Variants in DISP3 observed in about 807,000 individuals in gnomAD.
DISP3 encodes protein dispatched homolog 3.
A neutral mutation model predicts 135.3 loss-of-function variants in DISP3; 101 were observed. That is an observed-to-expected ratio of 0.75 (90% CI 0.64 to 0.88). The LOEUF (loss-of-function observed/expected upper bound fraction) is 0.88. Ranked by LOEUF, DISP3 falls within the 40% of genes least tolerant of loss-of-function variation. The probability of loss-of-function intolerance (pLI) is 0.00; values close to 1 mark genes in which losing one functional copy is unlikely to be tolerated. For synonymous variants in DISP3, 856 were observed against 817.0 expected, an observed-to-expected ratio of 1.05 and a Z score of -0.81; for missense variants, 1,713 against 1,878.6, an observed-to-expected ratio of 0.91 and a Z score of 1.63.
rs746962830 is a variant in DISP3 at position 11,519,914 on chromosome 1, A to G, written c.2200+34A>G. ...GCCCTCCGGCCCTGCCCCCTGTCTC[A>G]CAGCTCCACCCCCAAAACACACAGG... On this transcript the variant is annotated intron_variant, in intron 9 of 20. Coordinates refer to ENST00000294484, the MANE Select transcript of DISP3 (RefSeq NM_020780.2). The surrounding 1 kb of genome is among the most constrained non-coding windows in gnomAD (Gnocchi z 4.3). 1.3e-6 allele frequency: 2 copies of G among 1,577,042 alleles called. No homozygotes were observed.
At position 11,533,938 on chromosome 1, in the gene DISP3, C is replaced by T. The variant is rs1557624038; in HGVS notation, c.3376-443C>T. 3 of 702,234 alleles carry T rather than the reference C, an allele frequency of 4.3e-6. No homozygotes were observed. The East Asian group carries it at 8.1e-5, about 19-fold the overall frequency. 43.5% of individuals were successfully genotyped at this position (702,234 alleles called of 1,614,324 possible). The stretch of plus-strand genomic sequence containing the variant: ...CAATTCACAGTCCCACCTGCCAGGG[C>T]CAGGCAGGTTGCCAGGCAGTGACAA... On this transcript the variant is annotated intron_variant, in intron 17 of 20. Transcript: ENST00000294484.
At chr1:11,503,967 C>T (rs1194559608) in intron 3 of DISP3, among the ~76,000 whole-genome samples, 1 of 152,136 alleles carries the variant, frequency 6.6e-6, no homozygotes, top group Admixed American at 6.5e-5. Flanking sequence ...CTGGGTCCCT[C>T]CCCACCAGAA....
chr1:11,482,574 A>G lies in DISP3; in HGVS notation c.-4+3202A>G, dbSNP rs954578801. On this transcript the variant is annotated intron_variant, in intron 1 of 20. Coordinates refer to ENST00000294484, the MANE Select transcript of DISP3 (RefSeq NM_020780.2). The stretch of plus-strand genomic sequence containing the variant: ...CACCCCAAAATGGTGGGGTGGTAGT[A>G]GTGATGGTTGACAATAACAATACTA... Among the ~76,000 whole-genome samples the G allele has an allele frequency of 2.0e-5, 3 of 152,202 alleles. No individual in the cohort carries two copies. The South Asian group carries it at 6.2e-4, about 32-fold the overall frequency.
chr1:11,518,008 A>C (rs527886307), intron 7 of DISP3, among the ~76,000 whole-genome samples: 4 of 152,180 alleles, frequency 2.6e-5, no homozygotes, highest in Non-Finnish European at 5.9e-5. Flanking sequence ...CCACCATGTT[A>C]AGTGTCCTCA....
At position 11,529,464 on chromosome 1, in the gene DISP3, C is replaced by G; in HGVS notation, c.2799-92C>G. The G allele has an allele frequency of 7.0e-7, 1 of 1,431,664 alleles. No individual in the cohort carries two copies. Among genetic ancestry groups the G allele is most frequent in the Non-Finnish European group, 9.4e-7 (1 of 1,059,380 alleles). The allele number at this position is 1,431,664 out of a possible 1,614,324, so 88.7% of individuals were successfully genotyped here. A position where few individuals can be genotyped will look rare whatever the true frequency, so the allele number is the denominator to read the frequency against. ...CCCGAGTCCAGACCCCATGACACCC[C>G]AGCCCCAGTCCCAACCCTGGCCTGC... On this transcript the variant is annotated intron_variant, in intron 13 of 20. Coordinates refer to ENST00000294484, the MANE Select transcript of DISP3 (RefSeq NM_020780.2). The surrounding 1 kb of genome is among the most constrained non-coding windows in gnomAD (Gnocchi z 4.7).
At position 11,529,614 on chromosome 1, in the gene DISP3, C is replaced by T. The variant is rs372621187; in HGVS notation, c.2857C>T (p.Pro953Ser). ...PPFHGRVCMAPPGCLLSSSPD... is the reference protein window; with the variant it reads ...PPFHGRVCMASPGCLLSSSPD... ...CTTCCACGGGCGCGTATGCATGGCA[C>T]CCCCTGGCTGCCTGCTTAGCTCCAG... The change falls in exon 14 of 21, where the codon CCC (proline) becomes TCC (serine). Residue 953 changes from proline to serine, a missense_variant. Transcript: ENST00000294484. This position sits in a 1 kb window ranked among gnomAD's most constrained non-coding sequence, Gnocchi z 4.7. 2 of 1,608,632 alleles carry T rather than the reference C, an allele frequency of 1.2e-6. No homozygotes were observed. Among genetic ancestry groups the T allele is most frequent in the South Asian group, 2.2e-5 (2 of 90,928 alleles).
At position 11,529,782 on chromosome 1, in the gene DISP3, C is replaced by T. The variant is rs760638334; in HGVS notation, c.2930-5C>T. ...TCCCTTACAGCTGTGACTCCCTGTT[C>T]GCAGTGCCCAAGGCCCGTCTCTCAG... On this transcript the variant is annotated splice_polypyrimidine_tract_variant and splice_region_variant and intron_variant, in intron 14 of 20. Transcript: ENST00000294484. This position sits in a 1 kb window ranked among gnomAD's most constrained non-coding sequence, Gnocchi z 4.7. 3.7e-5 allele frequency: 60 copies of T among 1,610,840 alleles called. No homozygotes were observed. Among genetic ancestry groups the T allele is most frequent in the Admixed American group, 2.2e-4 (13 of 59,828 alleles).
intron 17 of DISP3, chr1:11,533,680 C>T (rs1337692833): frequency 4.5e-6 from 3 of 671,574 alleles, no homozygotes; most frequent in Non-Finnish European, 8.2e-6. Context: ...CACTCAGGCT[C>T]ACCACACGGC....
intron 1 of DISP3, among the ~76,000 whole-genome samples, chr1:11,482,450 G>A (rs1640927510): frequency 6.6e-6 from 1 of 152,080 alleles, no homozygotes; most frequent in African/African-American, 2.4e-5. Flanking sequence ...GCTGGGGATG[G>A]CAAAAATAGC....
rs757171370 is a variant in DISP3 at position 11,536,466 on chromosome 1, A to C, written c.3959A>C (p.Lys1320Thr). 6 of 1,613,624 alleles carry C rather than the reference A, an allele frequency of 3.7e-6. No homozygotes were observed. The highest frequency in any genetic ancestry group is 5.1e-6 in the Non-Finnish European group (6 of 1,179,942). The part of the protein sequence containing the change: ...CIIAPFAKFG[K>T]IVALNTGVSI... Reference sequence around the variant, plus strand: ...ATCGCCCCATTTGCCAAGTTCGGCAAGATTGTGGCACTCAACACGGGCGTG... The same window carrying C: ...ATCGCCCCATTTGCCAAGTTCGGCACGATTGTGGCACTCAACACGGGCGTG... The change falls in exon 21 of 21, where the codon AAG becomes ACG. Residue 1320 changes from lysine (K) to threonine (T), a missense_variant. Around this residue, in one of 2 missense-constraint regions of DISP3, gnomAD observed 1,142 missense variants for 1,384.6 expected, o/e 0.82. Transcript: ENST00000294484. This position sits in a 1 kb window ranked among gnomAD's most constrained non-coding sequence, Gnocchi z 4.3.
chr1:11,522,706 ACCCAGCCAGGG>A (rs1557615287), intron 10 of DISP3, among the ~76,000 whole-genome samples: 8 of 24,256 alleles, frequency 3.3e-4, no homozygotes, highest in Admixed American at 4.6e-4. Flanking sequence ...CCCAGCCAGG[ACCCAGCCAGGG>A]CCCAGCCAGG....
chr1:11,479,853 G>A lies in DISP3; in HGVS notation c.-4+481G>A, dbSNP rs113046025. Among the ~76,000 whole-genome samples, 677 of 152,234 alleles carry A rather than the reference G, an allele frequency of 4.4e-3. 8 individuals are homozygous for A. Among genetic ancestry groups the A allele is most frequent in the African/African-American group, 0.015 (640 of 41,542 alleles). Reference sequence around the variant, plus strand: ...CACCCACTCCCTACCTAGCGTACTCGTGCTCTCGGAGGGACATTTCCCCGA... The same window carrying A: ...CACCCACTCCCTACCTAGCGTACTCATGCTCTCGGAGGGACATTTCCCCGA... On this transcript the variant is annotated intron_variant, in intron 1 of 20. Coordinates refer to ENST00000294484, the MANE Select transcript of DISP3 (RefSeq NM_020780.2).
chr1:11,533,728 G>GACACTCATGCAC (rs1553157605), intron 17 of DISP3: 4 of 66,930 alleles, frequency 6.0e-5, no homozygotes, highest in African/African-American at 3.7e-4. Context: ...CCAGCACTCA[G>GACACTCATGCAC]ACACGCATGC....
At chr1:11,503,827 TC>T (rs1641623901) in intron 3 of DISP3, among the ~76,000 whole-genome samples, 1 of 152,214 alleles carries the variant, frequency 6.6e-6, no homozygotes, top group Non-Finnish European at 1.5e-5. Context: ...TCTCTGGGTG[TC>T]AGTGTTCCTA....
chr1:11,522,603 C>CAAGACCCAGCCAGGACCCAGCG (rs1642239263), intron 10 of DISP3, among the ~76,000 whole-genome samples: 5 of 105,534 alleles, frequency 4.7e-5, no homozygotes, highest in Admixed American at 9.9e-5. Context: ...AGGACCCAGC[C>CAAGACCCAGCCAGGACCCAGCG]AGAGCCCAGC....
intron 1 of DISP3, among the ~76,000 whole-genome samples, chr1:11,495,747 C>A (rs893762257): frequency 6.6e-6 from 1 of 152,210 alleles, no homozygotes; most frequent in African/African-American, 2.4e-5. Flanking sequence ...ATTCCACACT[C>A]ACCCACAGGG....
At chr1:11,527,393 C>CA (rs1273594744) in intron 13 of DISP3, among the ~76,000 whole-genome samples, 4 of 152,044 alleles carry the variant, frequency 2.6e-5, no homozygotes, top group South Asian at 2.1e-4. Context: ...ACTAAAAATA[C>CA]AAAAAATTAG....
intron 1 of DISP3, among the ~76,000 whole-genome samples, chr1:11,489,334 G>A (rs1178811050): frequency 6.6e-6 from 1 of 152,242 alleles, no homozygotes; most frequent in Non-Finnish European, 1.5e-5. Flanking sequence ...ATTGTGGTCT[G>A]GGCGGGCTGG....
chr1:11,533,506 C>T (rs1642626334), intron 17 of DISP3, among the ~76,000 whole-genome samples: 1 of 152,148 alleles, frequency 6.6e-6, no homozygotes, highest in Admixed American at 6.5e-5. Flanking sequence ...ATCCGCCTGC[C>T]TCAGCCTCCC....
Sources: gnomAD v4.1 joint callset for allele counts (sites outside exome capture counted in the v4.1 genomes callset) on GRCh38, gnomAD v4.1.1 for gene constraint, gnomAD v4.1.1 regional missense constraint, Gnocchi (gnomAD v3.1) non-coding constraint, MANE v1.5 for transcripts, NCBI Gene and HGNC (gene_info 2026-07-23, HGNC 2026-07-21) for gene names.